Variants in HERC2 observed in about 807,000 individuals in gnomAD.
The protein encoded by HERC2 is HECT and RLD domain containing E3 ubiquitin protein ligase 2.
Under a neutral mutation model 537.7 loss-of-function variants are expected in HERC2, and 102 were observed. The ratio of observed to expected loss-of-function variants is 0.19; its 90% confidence interval spans 0.16 to 0.22. The LOEUF is 0.22. HERC2 is among the 10% of genes least tolerant of loss of function. The pLI is 1.00. For synonymous variants in HERC2, 2,224 were observed against 2,466.2 expected, an observed-to-expected ratio of 0.90 and a Z score of 2.91; for missense variants, 4,236 against 6,198.2, an observed-to-expected ratio of 0.68 and a Z score of 10.63.
At chr15:28,161,420 TGTCTGCAGCCAGGAAGG>T in intron 69 of HERC2, among the ~76,000 whole-genome samples, 1 of 152,316 alleles carries the variant, frequency 6.6e-6, no homozygotes, top group Middle Eastern at 3.4e-3. Context: ...ACGGATGAAG[TGTCTGCAGCCAGGAAGG>T]ACATCTCAGG....
At chr15:28,263,293 C>A in intron 14 of HERC2, 124 bp from the exon 15 acceptor site, 1 of 1,039,882 alleles carries the variant, frequency 9.6e-7, no homozygotes, top group East Asian at 2.6e-5. Flanking sequence ...ATAGTTAACA[C>A]TACAAGGGTG....
intron 90 of HERC2, among the ~76,000 whole-genome samples, chr15:28,114,112 G>A (rs12593929): frequency 0.78 from 118,407 of 152,184 alleles, 49,345 homozygotes; most frequent in Non-Finnish European, 0.94. Flanking sequence ...CTGCCACACG[G>A]GGCCTCACCC....
chr15:28,148,891 T>C (rs975291788), intron 70 of HERC2, among the ~76,000 whole-genome samples: 15 of 146,980 alleles, frequency 1.0e-4, no homozygotes, highest in African/African-American at 3.8e-4. Flanking sequence ...AAACGTATAT[T>C]CTAGTAAAAT....
At chr15:28,298,630 C>T (rs1052177195) in intron 3 of HERC2, 13 of 151,388 alleles carry the variant, frequency 8.6e-5, no homozygotes, top group African/African-American at 3.2e-4. Context: ...CCTGTCTCTA[C>T]TAAAAAATAC....
At chr15:28,244,916 T>A (rs1213256833) in intron 23 of HERC2, among the ~76,000 whole-genome samples, 1 of 152,194 alleles carries the variant, frequency 6.6e-6, no homozygotes, top group Non-Finnish European at 1.5e-5. Context: ...CTGATTTTGA[T>A]TGATTCTGAG....
Position 28,202,359 on chromosome 15 carries a change from A to T in HERC2, c.7468T>A (p.Ser2490Thr). 1.2e-6 allele frequency: 2 copies of T among 1,613,934 alleles called. No homozygotes were observed. The highest frequency in any genetic ancestry group is 1.7e-6 in the Non-Finnish European group (2 of 1,179,844). The change falls in exon 46 of 93, where the codon TCC becomes ACC. Residue 2490 changes from serine (S) to threonine (T), a missense_variant. By Grantham distance (58) the Ser-to-Thr change is moderately conservative. Coordinates refer to ENST00000261609, the MANE Select transcript of HERC2 (RefSeq NM_004667.6). The part of the protein sequence containing the change: ...KSLTGASGNA[S>T]SLPGVEALVG... ...GAAAACGAAGTACCAGGCAAGCTGG[A>T]TGCATTCCCGGAAGCACCAGTGAGA...
intron 55 of HERC2, among the ~76,000 whole-genome samples, chr15:28,189,978 A>G (rs1468365329): frequency 1.3e-5 from 2 of 151,620 alleles, no homozygotes; most frequent in Non-Finnish European, 2.9e-5. Context: ...AACAGTATAC[A>G]TAGTACAAAA....
intron 4 of HERC2, among the ~76,000 whole-genome samples, chr15:28,282,255 T>C (rs990363506): frequency 9.2e-5 from 14 of 152,170 alleles, no homozygotes; most frequent in African/African-American, 3.4e-4. Flanking sequence ...AAGTAAGACC[T>C]AGAGTCGCCT....
intron 70 of HERC2, among the ~76,000 whole-genome samples, chr15:28,147,780 G>A (rs1347423913): frequency 1.3e-5 from 2 of 152,060 alleles, no homozygotes; most frequent in Non-Finnish European, 2.9e-5. Context: ...CACCTGTAAC[G>A]ATCTCAACAC....
chr15:28,236,250 T>C (rs186964907), intron 26 of HERC2, among the ~76,000 whole-genome samples: 56 of 152,206 alleles, frequency 3.7e-4, no homozygotes, highest in African/African-American at 1.2e-3. Context: ...TGAGTCTCAC[T>C]ATCCTTATTA....
chr15:28,300,772 G>C (rs1429886534), intron 2 of HERC2, among the ~76,000 whole-genome samples: 1 of 113,234 alleles, frequency 8.8e-6, no homozygotes, highest in Non-Finnish European at 1.6e-5. Context: ...TCAGTGAGCC[G>C]AGATTATGTC....
intron 24 of HERC2, 147 bp from the exon 25 acceptor site, chr15:28,238,364 T>A (rs543299069): frequency 1.3e-6 from 1 of 786,698 alleles, no homozygotes; most frequent in East Asian, 2.7e-5. Flanking sequence ...TCTCCCAGGG[T>A]TGCCTGGGCC....
chr15:28,252,829 C>T (rs1363354921), intron 20 of HERC2, among the ~76,000 whole-genome samples: 1 of 152,178 alleles, frequency 6.6e-6, no homozygotes, highest in East Asian at 1.9e-4. Flanking sequence ...AGCTCTAAAA[C>T]TTCCTGTTTC....
chr15:28,307,350 CTTCAT>C (rs1489147765), intron 2 of HERC2, among the ~76,000 whole-genome samples: 4 of 152,154 alleles, frequency 2.6e-5, no homozygotes, highest in African/African-American at 7.2e-5. Context: ...GTATTATTTT[CTTCAT>C]TTCAACTCCA....
Position 28,113,564 on chromosome 15 carries a change from T to C in HERC2, c.14019+9A>G, listed in dbSNP as rs1295009924. 1.9e-6 allele frequency: 3 copies of C among 1,611,892 alleles called. No homozygotes were observed. In the East Asian group the frequency reaches 6.7e-5, roughly 36 times the overall value. Reference sequence around the variant, plus strand: ...GCTGCAGGGCAGCCCCACCTGGGGGTCGGCATACCATCGTCTCCAGTTCGT... The same window carrying C: ...GCTGCAGGGCAGCCCCACCTGGGGGCCGGCATACCATCGTCTCCAGTTCGT... On this transcript the variant is annotated intron_variant, in intron 91 of 92. Transcript: ENST00000261609. The surrounding 1 kb of genome is among the most constrained non-coding windows in gnomAD (Gnocchi z 7.0).
At chr15:28,289,772 T>C (rs1347493022) in intron 4 of HERC2, among the ~76,000 whole-genome samples, 1 of 152,226 alleles carries the variant, frequency 6.6e-6, no homozygotes, top group African/African-American at 2.4e-5. Flanking sequence ...GTATAAACTA[T>C]CTGACTACAA....
intron 23 of HERC2, among the ~76,000 whole-genome samples, chr15:28,240,221 A>G (rs906056792): frequency 2.6e-5 from 4 of 152,208 alleles, no homozygotes; most frequent in East Asian, 3.8e-4. Flanking sequence ...GATGGAGACC[A>G]TCCTGGCTAA....
rs374217998 is a variant in HERC2 at position 28,124,957 on chromosome 15, A to T, written c.12990+49T>A. On this transcript the variant is annotated intron_variant, in intron 84 of 92. Transcript: ENST00000261609. ...ACAACGACAGGATGCAGCATGTGAC[A>T]GGAGCACACTTTGCTTGCCCCCGAC... is the stretch of plus-strand genomic sequence containing the variant. 3 of 1,530,568 alleles carry T rather than the reference A, an allele frequency of 2.0e-6. No individual in the cohort carries two copies. In the African/African-American group the frequency reaches 4.1e-5, roughly 21 times the overall value. 94.8% of individuals were successfully genotyped at this position (1,530,568 alleles called of 1,614,324 possible). A position where few individuals can be genotyped will look rare whatever the true frequency, so the allele number is the denominator to read the frequency against.
At chr15:28,184,391 CT>C (rs1896106166) in intron 56 of HERC2, among the ~76,000 whole-genome samples, 1 of 152,086 alleles carries the variant, frequency 6.6e-6, no homozygotes, top group African/African-American at 2.4e-5. Context: ...AGGAGACTGC[CT>C]GGGCCACTGA....
Sources: allele counts gnomAD v4.1 joint callset (sites outside exome capture counted in the v4.1 genomes callset), GRCh38; gene constraint gnomAD v4.1.1; non-coding constraint Gnocchi (gnomAD v3.1); transcripts MANE v1.5; gene names NCBI Gene and HGNC (gene_info 2026-07-23, HGNC 2026-07-21).